Variants in GRID2 observed in about 807,000 individuals in gnomAD.
GRID2 encodes the protein glutamate ionotropic receptor delta type subunit 2.
A neutral mutation model predicts 114.8 loss-of-function variants in GRID2; 33 were observed. The ratio of observed to expected loss-of-function variants is 0.29; its 90% confidence interval spans 0.22 to 0.38. The LOEUF is 0.38. GRID2 is among the 10% of genes least tolerant of loss of function. The pLI, the probability that GRID2 is intolerant of heterozygous loss-of-function variation, is 1.00. For missense variants in GRID2, 1,184 were observed against 1,257.7 expected, an observed-to-expected ratio of 0.94 and a Z score of 0.89; for synonymous variants, 505 against 449.9, an observed-to-expected ratio of 1.12 and a Z score of -1.55.
At chr4:92,615,379 A>C (rs1729959669) in intron 2 of GRID2, among the ~76,000 whole-genome samples, 1 of 151,600 alleles carries the variant, frequency 6.6e-6, no homozygotes, top group South Asian at 2.1e-4. Context: ...ATCACATTGA[A>C]GCTTAGGGCT....
At chr4:92,647,039 C>T (rs952655754) in intron 2 of GRID2, among the ~76,000 whole-genome samples, 1 of 152,202 alleles carries the variant, frequency 6.6e-6, no homozygotes, top group Non-Finnish European at 1.5e-5. Context: ...TAAATAGCCA[C>T]AACAAATGTA....
intron 8 of GRID2, among the ~76,000 whole-genome samples, chr4:93,382,994 A>C (rs1764002804): frequency 6.6e-6 from 1 of 151,870 alleles, no homozygotes; most frequent in Admixed American, 6.6e-5. Flanking sequence ...AGGTCTTCTC[A>C]AGTCTCTTTT....
chr4:92,873,191 TCA>T (rs1745397487), intron 2 of GRID2, among the ~76,000 whole-genome samples: 1 of 152,306 alleles, frequency 6.6e-6, no homozygotes, highest in Admixed American at 6.5e-5. Flanking sequence ...ACTTATAATA[TCA>T]GTCTGTAATC....
At chr4:93,154,053 A>G (rs1223630910) in intron 4 of GRID2, among the ~76,000 whole-genome samples, 2 of 152,074 alleles carry the variant, frequency 1.3e-5, no homozygotes, top group African/African-American at 4.8e-5. Flanking sequence ...AGTGTCCTCT[A>G]TAGCAGCTAT....
chr4:93,671,429 C>A (rs1016711764), intron 14 of GRID2, among the ~76,000 whole-genome samples: 1 of 151,952 alleles, frequency 6.6e-6, no homozygotes, highest in Non-Finnish European at 1.5e-5. Flanking sequence ...ACTTGATCAG[C>A]CCCTGCCCAG....
Position 92,514,580 on chromosome 4 carries a change from CCTCA to C in GRID2, c.89-75548_89-75545del, listed in dbSNP as rs751761086. Among the ~76,000 whole-genome samples, 3 of 151,832 alleles carry C rather than the reference CCTCA, an allele frequency of 2.0e-5. No individual in the cohort carries two copies. In the East Asian group the frequency reaches 5.8e-4, roughly 30 times the overall value. On this transcript the variant is annotated intron_variant, in intron 1 of 15. Transcript: ENST00000282020. ...TTACTACCACTGCTAGCTGATGTGT[CCTCA>C]CTGACTTCACAAGTTTTCACAATGA...
At chr4:92,808,738 G>A (rs896294159) in intron 2 of GRID2, among the ~76,000 whole-genome samples, 1 of 151,506 alleles carries the variant, frequency 6.6e-6, no homozygotes, top group Admixed American at 6.6e-5. Flanking sequence ...GAAATCTCTG[G>A]GTACTTTCAC....
chr4:93,493,731 T>G (rs1727256090), intron 12 of GRID2, among the ~76,000 whole-genome samples: 1 of 151,774 alleles, frequency 6.6e-6, no homozygotes, highest in Non-Finnish European at 1.5e-5. Flanking sequence ...CTCAAATTTT[T>G]CATCCATAGG....
At chr4:92,361,707 T>A (rs1171372718) in intron 1 of GRID2, among the ~76,000 whole-genome samples, 1 of 151,960 alleles carries the variant, frequency 6.6e-6, no homozygotes, top group Non-Finnish European at 1.5e-5. Context: ...CTGTTGTAAA[T>A]TTTTTTAAGT....
chr4:93,631,303 G>T (rs960203509), intron 14 of GRID2, among the ~76,000 whole-genome samples: 2 of 151,786 alleles, frequency 1.3e-5, no homozygotes, highest in Admixed American at 1.3e-4. Flanking sequence ...TGCCATGTTG[G>T]TGTGCTGCAC....
At chr4:93,127,036 A>G (rs560403495) in intron 4 of GRID2, among the ~76,000 whole-genome samples, 6 of 152,318 alleles carry the variant, frequency 3.9e-5, no homozygotes, top group East Asian at 1.9e-4. Context: ...TCACTCTGTA[A>G]GTTAACACTT....
At chr4:93,739,653 C>T (rs1731209629) in intron 14 of GRID2, among the ~76,000 whole-genome samples, 1 of 152,076 alleles carries the variant, frequency 6.6e-6, no homozygotes, top group African/African-American at 2.4e-5. Flanking sequence ...AAAATGATGC[C>T]GTTTCTCTCA....
At chr4:93,466,995 AC>A (rs1355507644) in intron 11 of GRID2, among the ~76,000 whole-genome samples, 8 of 152,328 alleles carry the variant, frequency 5.3e-5, no homozygotes, top group Admixed American at 5.2e-4. Flanking sequence ...ATACAATTTA[AC>A]ATGTAAGAAA....
At chr4:92,973,231 A>C (rs2149174590) in intron 2 of GRID2, among the ~76,000 whole-genome samples, 1 of 152,310 alleles carries the variant, frequency 6.6e-6, no homozygotes, top group Admixed American at 6.5e-5. Context: ...AAGGAGAAAT[A>C]ATATTCAATT....
intron 2 of GRID2, among the ~76,000 whole-genome samples, chr4:92,771,371 A>T (rs1287743646): frequency 6.6e-6 from 1 of 152,050 alleles, no homozygotes; most frequent in East Asian, 1.9e-4. Context: ...TTTCTTTTTC[A>T]CATGTGACTC....
intron 8 of GRID2, among the ~76,000 whole-genome samples, chr4:93,273,995 C>T (rs1433671): frequency 1.3e-5 from 2 of 151,908 alleles, no homozygotes; most frequent in South Asian, 2.1e-4. Context: ...CAGAATCTGC[C>T]GATATTATAA....
chr4:92,613,983 A>T (rs1328805266), intron 2 of GRID2, among the ~76,000 whole-genome samples: 2 of 151,514 alleles, frequency 1.3e-5, no homozygotes, highest in Non-Finnish European at 3.0e-5. Context: ...TATAGTGATT[A>T]TATCAGGGTT....
intron 8 of GRID2, among the ~76,000 whole-genome samples, chr4:93,356,035 C>A (rs1441243340): frequency 6.6e-6 from 1 of 152,046 alleles, no homozygotes; most frequent in African/African-American, 2.4e-5. Context: ...ATTTTACAAA[C>A]CTGACCCAGA....
chr4:93,271,391 C>T (rs1224769120), intron 8 of GRID2, among the ~76,000 whole-genome samples: 1 of 152,156 alleles, frequency 6.6e-6, no homozygotes, highest in Admixed American at 6.6e-5. Flanking sequence ...AGGGGTTTTC[C>T]TCTTCTGCCT....
Sources: allele counts gnomAD v4.1 joint callset (sites outside exome capture counted in the v4.1 genomes callset), GRCh38; gene constraint gnomAD v4.1.1; transcripts MANE v1.5; gene names NCBI Gene and HGNC (gene_info 2026-07-23, HGNC 2026-07-21).